The following LHFPL3 variants were observed in gnomAD, a reference collection of about 807,000 sequenced individuals.
LHFPL3 encodes LHFPL tetraspan subfamily member 3 protein.
Under a neutral mutation model 19.3 loss-of-function variants are expected in LHFPL3, and 5 were observed. The observed-to-expected ratio is 0.26, with a 90% CI of 0.14 to 0.54. LHFPL3 has a LOEUF of 0.54. LHFPL3 is among the 20% of genes least tolerant of loss of function. The pLI, the probability that LHFPL3 is intolerant of heterozygous loss-of-function variation, is 0.94. For synonymous variants in LHFPL3, 133 were observed against 126.2 expected, an observed-to-expected ratio of 1.05 and a Z score of -0.36; for missense variants, 249 against 307.4, an observed-to-expected ratio of 0.81 and a Z score of 1.42.
At chr7:104,608,828 C>G (rs956106385) in intron 1 of LHFPL3, among the ~76,000 whole-genome samples, 1 of 152,130 alleles carries the variant, frequency 6.6e-6, no homozygotes, top group Non-Finnish European at 1.5e-5. Context: ...CCTACGTGGA[C>G]AAATTACAGA....
At chr7:104,502,043 C>T (rs1793605772) in intron 1 of LHFPL3, among the ~76,000 whole-genome samples, 1 of 152,126 alleles carries the variant, frequency 6.6e-6, no homozygotes, top group Non-Finnish European at 1.5e-5. Context: ...AATTAGATTC[C>T]TGAAGATACC....
rs968564388 is a variant in LHFPL3 at position 104,668,085 on chromosome 7, A to C, written c.446-68590A>C. 18 of 1,613,722 alleles carry C rather than the reference A, an allele frequency of 1.1e-5. No homozygotes were observed. The African/African-American group carries it at 1.5e-4, about 13-fold the overall frequency. ...CTATGATGTTACAGAAGAGTCAATT[A>C]AGGAATTCTTTCGAGGATTAAATAT... On this transcript the variant is annotated intron_variant, in intron 1 of 2. Transcript: ENST00000424859.
Position 104,661,939 on chromosome 7 carries a change from G to A in LHFPL3, c.446-74736G>A, listed in dbSNP as rs551149332. 5.9e-5 allele frequency among the ~76,000 whole-genome samples: 9 copies of A among 152,212 alleles called. No homozygotes were observed. The East Asian group carries it at 1.3e-3, about 23-fold the overall frequency. On this transcript the variant is annotated intron_variant, in intron 1 of 2. Transcript: ENST00000424859. ...TAAGGGTTCCTTGAACACAAGCACCGAGCTATCATGACAGTCGATCTAATA... is the reference window on the plus strand; with the variant it reads ...TAAGGGTTCCTTGAACACAAGCACCAAGCTATCATGACAGTCGATCTAATA...
intron 1 of LHFPL3, among the ~76,000 whole-genome samples, chr7:104,500,603 C>A (rs1793581988): frequency 6.6e-6 from 1 of 152,192 alleles, no homozygotes; most frequent in Admixed American, 6.5e-5. Flanking sequence ...CTACTTCAAA[C>A]TTCCATTCCC....
intron 2 of LHFPL3, among the ~76,000 whole-genome samples, chr7:104,836,113 C>A (rs1791090140): frequency 1.3e-5 from 2 of 152,014 alleles, no homozygotes; most frequent in Admixed American, 6.6e-5. Context: ...GAGAAACTGA[C>A]CACAATGATA....
At chr7:104,694,112 A>G (rs1412658001) in intron 1 of LHFPL3, among the ~76,000 whole-genome samples, 1 of 152,234 alleles carries the variant, frequency 6.6e-6, no homozygotes, top group African/African-American at 2.4e-5. Flanking sequence ...AGAAAGAGCA[A>G]GGGCCAGAAA....
intron 1 of LHFPL3, among the ~76,000 whole-genome samples, chr7:104,437,292 A>C (rs1159343283): frequency 6.6e-6 from 1 of 152,224 alleles, no homozygotes; most frequent in Non-Finnish European, 1.5e-5. Flanking sequence ...TATTAACTTC[A>C]TTGATGACTG....
intron 1 of LHFPL3, among the ~76,000 whole-genome samples, chr7:104,650,738 C>T (rs527295115): frequency 1.3e-5 from 2 of 152,274 alleles, no homozygotes; most frequent in East Asian, 1.9e-4. Context: ...AGACAATACA[C>T]AGTACATGAA....
At chr7:104,429,438 G>A (rs1374103085) in intron 1 of LHFPL3, among the ~76,000 whole-genome samples, 1 of 150,340 alleles carries the variant, frequency 6.7e-6, no homozygotes, top group Non-Finnish European at 1.5e-5. Context: ...CTCCCAAGTA[G>A]CTGAGATTAC....
At chr7:104,722,586 ATAT>A (rs1409200118) in intron 1 of LHFPL3, among the ~76,000 whole-genome samples, 3 of 152,182 alleles carry the variant, frequency 2.0e-5, no homozygotes, top group Admixed American at 6.5e-5. Context: ...CAAGGTGTAA[ATAT>A]TATACTTTTT....
At chr7:104,578,670 A>AC (rs1225469076) in intron 1 of LHFPL3, among the ~76,000 whole-genome samples, 11 of 151,936 alleles carry the variant, frequency 7.2e-5, no homozygotes, top group Non-Finnish European at 1.6e-4. Flanking sequence ...CTGTGCACCC[A>AC]CCCTACCGTG....
At chr7:104,536,014 C>T (rs1288176701) in intron 1 of LHFPL3, among the ~76,000 whole-genome samples, 1 of 152,220 alleles carries the variant, frequency 6.6e-6, no homozygotes, top group African/African-American at 2.4e-5. Context: ...CCTACAGCAC[C>T]ACGGGAGGAA....
intron 1 of LHFPL3, among the ~76,000 whole-genome samples, chr7:104,414,594 A>C (rs1157623206): frequency 2.0e-5 from 3 of 152,220 alleles, no homozygotes; most frequent in African/African-American, 7.2e-5. Context: ...AGAAGACAGA[A>C]AAAAATTGTA....
At chr7:104,460,515 A>G (rs1233892865) in intron 1 of LHFPL3, among the ~76,000 whole-genome samples, 2 of 151,948 alleles carry the variant, frequency 1.3e-5, no homozygotes, top group African/African-American at 4.8e-5. Flanking sequence ...AGCATCTGTT[A>G]TTTTTGACTT....
At chr7:104,677,965 G>T (rs1156466752) in intron 1 of LHFPL3, among the ~76,000 whole-genome samples, 1 of 152,178 alleles carries the variant, frequency 6.6e-6, no homozygotes, top group Non-Finnish European at 1.5e-5. Context: ...TGGCAGATAG[G>T]CCTGGAACAT....
chr7:104,831,069 C>G (rs564709451), intron 2 of LHFPL3, among the ~76,000 whole-genome samples: 3 of 152,022 alleles, frequency 2.0e-5, no homozygotes, highest in African/African-American at 7.3e-5. Context: ...AAAAATTATT[C>G]TTTTGAAAAT....
intron 2 of LHFPL3, among the ~76,000 whole-genome samples, chr7:104,790,259 C>A (rs964208208): frequency 2.0e-5 from 3 of 152,124 alleles, no homozygotes; most frequent in African/African-American, 7.2e-5. Context: ...CAATTTTCCC[C>A]AAAAATTCCA....
intron 2 of LHFPL3, among the ~76,000 whole-genome samples, chr7:104,878,962 A>T (rs139032959): frequency 5.3e-5 from 8 of 152,240 alleles, no homozygotes; most frequent in Non-Finnish European, 4.4e-5. Flanking sequence ...CAAACTAACT[A>T]TAACAATTCC....
chr7:104,891,858 A>C (rs1792251923), intron 2 of LHFPL3, among the ~76,000 whole-genome samples: 1 of 152,230 alleles, frequency 6.6e-6, no homozygotes, highest in South Asian at 2.1e-4. Flanking sequence ...AGGCTGACAG[A>C]AATGTCTGGA....
Sources: gnomAD v4.1 joint callset for allele counts (sites outside exome capture counted in the v4.1 genomes callset) on GRCh38, gnomAD v4.1.1 for gene constraint, MANE v1.5 for transcripts, NCBI Gene and HGNC (gene_info 2026-07-23, HGNC 2026-07-21) for gene names.